The following SORCS1 variants were observed in gnomAD, a reference collection of about 807,000 sequenced individuals.
SORCS1 encodes the protein VPS10 domain-containing receptor SorCS1.
A neutral mutation model predicts 146.1 loss-of-function variants in SORCS1; 60 were observed. That is an observed-to-expected ratio of 0.41 (90% confidence interval 0.33 to 0.51). The LOEUF is 0.51. Among genes scored for constraint, SORCS1 ranks in the 20% least tolerant of loss-of-function variants. The pLI is 0.21. For synonymous variants in SORCS1, 637 were observed against 584.0 expected (o/e 1.09, Z -1.31); for missense variants, 1,352 against 1,487.6 (o/e 0.91, Z 1.50).
At chr10:106,824,827 C>T (rs1397668490) in intron 3 of SORCS1, among the ~76,000 whole-genome samples, 1 of 152,050 alleles carries the variant, frequency 6.6e-6, no homozygotes, top group African/African-American at 2.4e-5. Flanking sequence ...AGCTAGGGTC[C>T]TCTTTATAGA....
At chr10:106,996,612 C>T (rs756158837) in intron 1 of SORCS1, among the ~76,000 whole-genome samples, 3 of 152,280 alleles carry the variant, frequency 2.0e-5, no homozygotes, top group Middle Eastern at 3.4e-3. Context: ...ACTTGCCTTT[C>T]GTCGTACCAA....
intron 18 of SORCS1, 96 bp downstream of exon 18, chr10:106,652,286 T>C (rs1437365840): frequency 7.4e-7 from 1 of 1,343,760 alleles, no homozygotes; most frequent in Non-Finnish European, 9.9e-7. Flanking sequence ...GCATCTAAAA[T>C]GGAGAAAGTT....
At chr10:107,045,210 T>C (rs1025117320) in intron 1 of SORCS1, among the ~76,000 whole-genome samples, 5 of 152,172 alleles carry the variant, frequency 3.3e-5, no homozygotes, top group African/African-American at 1.2e-4. Context: ...AGCTTAAGTG[T>C]GCATAAGATT....
At chr10:107,121,588 TAAC>T (rs1453545460) in intron 1 of SORCS1, among the ~76,000 whole-genome samples, 1 of 152,070 alleles carries the variant, frequency 6.6e-6, no homozygotes, top group African/African-American at 2.4e-5. Flanking sequence ...AACTGTGATT[TAAC>T]AACATTATCA....
At chr10:107,073,942 C>G (rs1962661714) in intron 1 of SORCS1, among the ~76,000 whole-genome samples, 1 of 151,994 alleles carries the variant, frequency 6.6e-6, no homozygotes, top group Admixed American at 6.6e-5. Flanking sequence ...AGAGATTTCC[C>G]ATATATTCCG....
chr10:106,982,973 C>T (rs1956297650), intron 1 of SORCS1, among the ~76,000 whole-genome samples: 1 of 151,496 alleles, frequency 6.6e-6, no homozygotes, highest in South Asian at 2.1e-4. Flanking sequence ...CTTCCTGGCA[C>T]AGAGATTTAA....
chr10:106,664,244 T>C (rs2135403236), intron 17 of SORCS1, among the ~76,000 whole-genome samples: 1 of 152,376 alleles, frequency 6.6e-6, no homozygotes, highest in South Asian at 2.1e-4. Context: ...CACATTTTAA[T>C]TGACATTATG....
chr10:106,917,870 G>A (rs573663670), intron 2 of SORCS1, among the ~76,000 whole-genome samples: 58 of 152,210 alleles, frequency 3.8e-4, no homozygotes, highest in Non-Finnish European at 7.2e-4. Context: ...GCTCCTATGA[G>A]TGGTGCTCGC....
chr10:106,621,270 C>T (rs780803893), intron 19 of SORCS1, among the ~76,000 whole-genome samples: 3 of 152,070 alleles, frequency 2.0e-5, no homozygotes, highest in Admixed American at 1.3e-4. Context: ...ATATGAATGC[C>T]CTCTTCATAA....
intron 2 of SORCS1, among the ~76,000 whole-genome samples, chr10:106,863,613 C>G (rs1322053644): frequency 6.7e-6 from 1 of 149,498 alleles, no homozygotes; most frequent in African/African-American, 2.5e-5. Context: ...GCCAAGATCC[C>G]CTTCAGTCAC....
At chr10:106,585,928 C>T (rs1475757348) in intron 24 of SORCS1, among the ~76,000 whole-genome samples, 1 of 152,172 alleles carries the variant, frequency 6.6e-6, no homozygotes, top group African/African-American at 2.4e-5. Context: ...GACAGACCAG[C>T]CAAGATCAGC....
rs983972319 is a variant in SORCS1, at chr10:107,057,124, C to T, written c.559-100544G>A. ...AGGACACACAAAGAAGTAAAAAACA[C>T]ACCACTAGAGGATGAAAGACTAGAA... is the stretch of plus-strand genomic sequence containing the variant. On this transcript the variant is annotated intron_variant, in intron 1 of 25. Transcript: ENST00000263054. Among the ~76,000 whole-genome samples, 7 of 152,242 alleles carry T rather than the reference C, an allele frequency of 4.6e-5. No homozygotes were observed. The East Asian group carries it at 5.8e-4, about 13-fold the overall frequency.
intron 1 of SORCS1, among the ~76,000 whole-genome samples, chr10:107,033,689 A>G (rs760362299): frequency 3.7e-4 from 57 of 152,094 alleles, no homozygotes; most frequent in Non-Finnish European, 5.3e-4. Context: ...GAGATTAAAT[A>G]CTCCCATTAA....
chr10:107,084,379 C>T (rs983497610), intron 1 of SORCS1, among the ~76,000 whole-genome samples: 2 of 151,614 alleles, frequency 1.3e-5, no homozygotes, highest in South Asian at 2.1e-4. Flanking sequence ...CTGGGATTAC[C>T]GGCATGAGCC....
intron 1 of SORCS1, among the ~76,000 whole-genome samples, chr10:107,007,412 C>T (rs2139690971): frequency 6.6e-6 from 1 of 152,290 alleles, no homozygotes; most frequent in East Asian, 1.9e-4. Context: ...CCAAGGAACC[C>T]TTTGGAGAGA....
chr10:106,932,477 C>G (rs1474268953), intron 2 of SORCS1, among the ~76,000 whole-genome samples: 1 of 152,082 alleles, frequency 6.6e-6, no homozygotes, highest in East Asian at 1.9e-4. Context: ...TACCTTGCTG[C>G]CTTAGAGTGA....
intron 5 of SORCS1, among the ~76,000 whole-genome samples, chr10:106,738,050 A>G (rs181378766): frequency 1.9e-3 from 289 of 152,338 alleles, no homozygotes; most frequent in Non-Finnish European, 3.3e-3. Flanking sequence ...TTAAATGAAA[A>G]TATCCGATTT....
intron 6 of SORCS1, among the ~76,000 whole-genome samples, 171 bp from the exon 7 acceptor site, chr10:106,709,512 G>A (rs949956612): frequency 1.4e-5 from 2 of 142,984 alleles, no homozygotes; most frequent in Non-Finnish European, 3.0e-5. Context: ...GCAGTGGTGC[G>A]ATCTCGGCTC....
At chr10:106,679,135 A>G in intron 12 of SORCS1, 121 bp downstream of exon 12, 1 of 628,704 alleles carries the variant, frequency 1.6e-6, no homozygotes, top group East Asian at 2.6e-5. Context: ...AAAAATAAAC[A>G]TATTCACAGT....
Sources: gnomAD v4.1 joint callset for allele counts (sites outside exome capture counted in the v4.1 genomes callset) on GRCh38, gnomAD v4.1.1 for gene constraint, MANE v1.5 for transcripts, NCBI Gene and HGNC (gene_info 2026-07-23, HGNC 2026-07-21) for gene names.